EYA3: variants seen among roughly 807,000 people sequenced by gnomAD.
EYA3 encodes the protein EYA transcriptional coactivator and phosphatase 3.
A neutral mutation model predicts 80.0 loss-of-function variants in EYA3; 39 were observed. The observed-to-expected ratio is 0.49, with a 90% CI of 0.38 to 0.64. The LOEUF (loss-of-function observed/expected upper bound fraction) is 0.64, where lower values mean the gene tolerates loss of function less well. Ranked by LOEUF, EYA3 falls within the 30% of genes least tolerant of loss-of-function variation. The pLI is 0.00. For missense variants in EYA3, 523 were observed against 676.1 expected (o/e 0.77, Z 2.51); for synonymous variants, 206 against 232.8 (o/e 0.88, Z 1.05).
intron 1 of EYA3, among the ~76,000 whole-genome samples, chr1:28,063,914 T>TGG (rs940334067): frequency 6.6e-6 from 1 of 152,064 alleles, no homozygotes; most frequent in Non-Finnish European, 1.5e-5. Context: ...TGTCCAACTT[T>TGG]GGGGGGGAAG....
intron 9 of EYA3, among the ~76,000 whole-genome samples, chr1:28,012,609 A>G (rs1641769025): frequency 6.6e-6 from 1 of 152,220 alleles, no homozygotes; most frequent in Admixed American, 6.5e-5. Context: ...TAAGTTGGAC[A>G]CTGTAATTCA....
intron 14 of EYA3, among the ~76,000 whole-genome samples, chr1:27,991,777 T>C (rs981991653): frequency 1.3e-5 from 2 of 152,220 alleles, no homozygotes; most frequent in African/African-American, 4.8e-5. Flanking sequence ...CAGCTGGCCA[T>C]TAATTTTAAT....
rs1641569712 is a variant in EYA3 at position 28,009,841 on chromosome 1, C to G, written c.909+1106G>C. On this transcript the variant is annotated intron_variant, in intron 10 of 17. Transcript: ENST00000373871. The surrounding 1 kb of genome is among the most constrained non-coding windows in gnomAD (Gnocchi z 4.8). Reference sequence around the variant, plus strand: ...TACTGCTTAATGGGTACAGAGTTTTCATTTGGAATCATGAAAAAGTTCTAG... The same window carrying G: ...TACTGCTTAATGGGTACAGAGTTTTGATTTGGAATCATGAAAAAGTTCTAG... Among the ~76,000 whole-genome samples, 1 of 152,050 alleles carries G rather than the reference C, an allele frequency of 6.6e-6. No homozygotes were observed. Among genetic ancestry groups the G allele is most frequent in the South Asian group, 2.1e-4 (1 of 4,820 alleles).
chr1:27,971,462 T>C lies in EYA3; in HGVS notation c.*3004A>G. ...TACAAAAATTAGCCAGGCGTGGTGGTGGGCGCCTGTAATCTCAGCTAATCA... is the reference window on the plus strand; with the variant it reads ...TACAAAAATTAGCCAGGCGTGGTGGCGGGCGCCTGTAATCTCAGCTAATCA... On this transcript the variant is annotated 3_prime_UTR_variant, in exon 18 of 18. Coordinates refer to ENST00000373871, the MANE Select transcript of EYA3 (RefSeq NM_001990.4). The C allele has an allele frequency of 6.6e-6, 1 of 151,874 alleles. No homozygotes were observed. The highest frequency in any genetic ancestry group is 2.1e-4 in the South Asian group (1 of 4,808). 9.4% of individuals were successfully genotyped at this position (151,874 alleles called of 1,614,324 possible). A position where few individuals can be genotyped will look rare whatever the true frequency, so the allele number is the denominator to read the frequency against.
At chr1:28,077,130 G>C (rs1244540307) in intron 1 of EYA3, among the ~76,000 whole-genome samples, 4 of 122,908 alleles carry the variant, frequency 3.3e-5, no homozygotes, top group Non-Finnish European at 5.0e-5. Flanking sequence ...TTTTGAGACA[G>C]TCTTATTCTG....
chr1:28,009,508 G>A lies in EYA3; in HGVS notation c.909+1439C>T, dbSNP rs1395770017. ...CTACTAAAAATACAAAAATTAGCCA[G>A]GCATGGTGGTGTGCACCTATAATCC... On this transcript the variant is annotated intron_variant, in intron 10 of 17. Coordinates refer to ENST00000373871, the MANE Select transcript of EYA3 (RefSeq NM_001990.4). The surrounding 1 kb of genome is among the most constrained non-coding windows in gnomAD (Gnocchi z 4.8). Among the ~76,000 whole-genome samples the A allele has an allele frequency of 9.9e-5, 15 of 152,098 alleles. No individual in the cohort carries two copies. The highest frequency in any genetic ancestry group is 1.6e-4 in the Non-Finnish European group (11 of 68,032).
At position 27,993,446 on chromosome 1, in the gene EYA3, G is replaced by A; in HGVS notation, c.1257C>T (p.Tyr419=). ...TATCATAGATTTCTCTCACTTTCCGGTAGCGGAAAGCTAGTTTCCTCATCC... is the reference window on the plus strand; with the variant it reads ...TATCATAGATTTCTCTCACTTTCCGATAGCGGAAAGCTAGTTTCCTCATCC... ...VDWMRKLAFR[Y]RKVREIYDKH... The change falls in exon 14 of 18, where the codon TAC becomes TAT. Residue 419 remains tyrosine (Y), a synonymous_variant. Transcript: ENST00000373871. The A allele has an allele frequency of 6.2e-7, 1 of 1,613,144 alleles. No individual in the cohort carries two copies. The highest frequency in any genetic ancestry group is 8.5e-7 in the Non-Finnish European group (1 of 1,179,666).
At chr1:27,977,499 G>T in intron 17 of EYA3, 2 of 1,108,990 alleles carry the variant, frequency 1.8e-6, no homozygotes, top group Non-Finnish European at 2.6e-6. Context: ...CTGAGACACA[G>T]ATGGGATTTT....
intron 12 of EYA3, 89 bp from the exon 13 acceptor site, chr1:27,997,467 G>A (rs981120604): frequency 4.4e-6 from 5 of 1,137,752 alleles, no homozygotes; most frequent in Non-Finnish European, 6.7e-6. Context: ...ATATACAGTG[G>A]CAGGATAATG....
intron 1 of EYA3, among the ~76,000 whole-genome samples, chr1:28,080,511 A>G (rs1645383653): frequency 6.6e-6 from 1 of 152,164 alleles, no homozygotes; most frequent in South Asian, 2.1e-4. Flanking sequence ...ATTACAATGC[A>G]TCACCAGTAG....
chr1:28,007,184 C>T (rs1453204433), intron 10 of EYA3, among the ~76,000 whole-genome samples: 1 of 151,864 alleles, frequency 6.6e-6, no homozygotes, highest in Non-Finnish European at 1.5e-5. Flanking sequence ...TTCCTGACCT[C>T]AGGTGATCTG....
chr1:27,997,219 C>G (rs2148747177), intron 13 of EYA3, 101 bp downstream of exon 13: 1 of 1,095,328 alleles, frequency 9.1e-7, no homozygotes, highest in East Asian at 2.4e-5. Flanking sequence ...TGAGCTCTTT[C>G]AGAGATATAT....
intron 12 of EYA3, 130 bp downstream of exon 12, chr1:27,999,830 T>G: frequency 1.7e-6 from 1 of 589,762 alleles, no homozygotes; most frequent in Non-Finnish European, 2.9e-6. Flanking sequence ...TATGTATGCC[T>G]TAGTGGCCAG....
intron 16 of EYA3, among the ~76,000 whole-genome samples, chr1:27,981,178 G>T (rs904416022): frequency 4.6e-5 from 7 of 152,224 alleles, no homozygotes; most frequent in African/African-American, 1.7e-4. Flanking sequence ...AAGTGAAAAA[G>T]TATTTCTTCT....
chr1:28,001,793 C>T (rs1160067288), intron 11 of EYA3, among the ~76,000 whole-genome samples: 10 of 148,046 alleles, frequency 6.8e-5, no homozygotes, highest in Non-Finnish European at 1.5e-4. Context: ...TGCTGCGGCG[C>T]GATCTCGGCT....
chr1:28,008,532 G>A (rs1397470449), intron 10 of EYA3, among the ~76,000 whole-genome samples: 3 of 151,880 alleles, frequency 2.0e-5, no homozygotes, highest in Non-Finnish European at 4.4e-5. Flanking sequence ...CAGAATGGGA[G>A]AAAATATTTG....
At chr1:27,988,404 G>C (rs1571722174) in intron 16 of EYA3, 131 bp downstream of exon 16, 1 of 1,008,094 alleles carries the variant, frequency 9.9e-7, no homozygotes, top group Middle Eastern at 3.3e-4. Context: ...GAAAATATTA[G>C]AAGACTGTTG....
intron 12 of EYA3, 131 bp from the exon 13 acceptor site, chr1:27,997,509 G>C (rs1640545133): frequency 1.3e-6 from 1 of 794,176 alleles, no homozygotes; most frequent in African/African-American, 1.7e-5. Flanking sequence ...ATGTGTGGGT[G>C]ATCACTCTCA....
At chr1:28,074,335 T>C (rs1645129964) in intron 1 of EYA3, among the ~76,000 whole-genome samples, 1 of 152,150 alleles carries the variant, frequency 6.6e-6, no homozygotes. Context: ...TAGAAGTTAG[T>C]ACTCATTTAA....
Sources: gnomAD v4.1 joint callset for allele counts (sites outside exome capture counted in the v4.1 genomes callset) on GRCh38, gnomAD v4.1.1 for gene constraint, Gnocchi (gnomAD v3.1) non-coding constraint, MANE v1.5 for transcripts, NCBI Gene and HGNC (gene_info 2026-07-23, HGNC 2026-07-21) for gene names.